The following CTNNA2 variants were observed in gnomAD, a reference collection of about 807,000 sequenced individuals.
The protein encoded by CTNNA2 is catenin alpha-2.
In CTNNA2, 42 loss-of-function variants were observed where a neutral mutation model predicts 101.0. The ratio of observed to expected loss-of-function variants is 0.42; its 90% CI spans 0.32 to 0.54. CTNNA2 has a LOEUF of 0.54. Among genes scored for constraint, CTNNA2 ranks in the 20% least tolerant of loss-of-function variants. CTNNA2 has a pLI of 0.14. For synonymous variants in CTNNA2, 450 were observed against 456.4 expected, an observed-to-expected ratio of 0.99 and a Z score of 0.18; for missense variants, 871 against 1,223.1, an observed-to-expected ratio of 0.71 and a Z score of 4.29.
intron 1 of CTNNA2, chr2:79,547,085 A>G (rs1673783645): frequency 6.6e-6 from 1 of 152,022 alleles, no homozygotes; most frequent in African/African-American, 2.4e-5. Context: ...CTTTAGGACT[A>G]GTTCTCTGGT....
At chr2:79,738,431 A>C (rs1671054286) in intron 2 of CTNNA2, among the ~76,000 whole-genome samples, 1 of 152,220 alleles carries the variant, frequency 6.6e-6, no homozygotes, top group Non-Finnish European at 1.5e-5. Context: ...GGAAGCTGGC[A>C]CAGCTAATAC....
At chr2:79,897,304 C>G (rs185012767) in intron 6 of CTNNA2, among the ~76,000 whole-genome samples, 23 of 146,330 alleles carry the variant, frequency 1.6e-4, no homozygotes, top group Admixed American at 1.2e-3. Flanking sequence ...GATTTTAAGA[C>G]TAGGCTGTTA....
chr2:80,352,669 A>G (rs1006064437), intron 7 of CTNNA2, among the ~76,000 whole-genome samples: 9 of 152,144 alleles, frequency 5.9e-5, no homozygotes, highest in African/African-American at 2.2e-4. Flanking sequence ...ATGATTTATT[A>G]TTTAATGGAT....
upstream of CTNNA2, among the ~76,000 whole-genome samples, chr2:79,508,981 AT>A (rs1268339365): frequency 5.1e-5 from 2 of 39,592 alleles, no homozygotes; most frequent in African/African-American, 1.1e-4. Context: ...ATATATATAT[AT>A]ATATATATAT....
intron 2 of CTNNA2, among the ~76,000 whole-genome samples, chr2:79,293,531 A>G (rs774447769): frequency 6.6e-6 from 1 of 152,208 alleles, no homozygotes; most frequent in Non-Finnish European, 1.5e-5. Flanking sequence ...TACATAGACA[A>G]TAAGGAGTCT....
intron 9 of CTNNA2, among the ~76,000 whole-genome samples, chr2:80,438,197 G>T (rs12617443): frequency 0.05 from 7,614 of 152,142 alleles, 462 homozygotes; most frequent in African/African-American, 0.14. Flanking sequence ...CTCTATGCTC[G>T]CACATCCCTA....
At chr2:80,248,160 ACT>A (rs1671479775) in intron 7 of CTNNA2, among the ~76,000 whole-genome samples, 1 of 151,060 alleles carries the variant, frequency 6.6e-6, no homozygotes, top group Non-Finnish European at 1.5e-5. Flanking sequence ...TATTTAAGAA[ACT>A]CTCTCACCAT....
chr2:79,836,711 G>T (rs1242947129), intron 3 of CTNNA2, among the ~76,000 whole-genome samples: 1 of 152,042 alleles, frequency 6.6e-6, no homozygotes, highest in African/African-American at 2.4e-5. Context: ...TTTCATCTCT[G>T]ACTCTGTTGT....
chr2:79,580,724 C>T lies in CTNNA2; in HGVS notation c.-6+67517C>T, dbSNP rs117181543. ...AGGAAATGTATGAAGACAAGTGATCCTTAGTAAAACTTTTTCTTATGTGAA... is the reference window on the plus strand; with the variant it reads ...AGGAAATGTATGAAGACAAGTGATCTTTAGTAAAACTTTTTCTTATGTGAA... On this transcript the variant is annotated intron_variant, in intron 1 of 18. Transcript: ENST00000402739. Among the ~76,000 whole-genome samples, 31 of 152,194 alleles carry T rather than the reference C, an allele frequency of 2.0e-4. No homozygotes were observed. In the East Asian group the frequency reaches 5.6e-3, roughly 27 times the overall value.
rs79418704 is a variant in CTNNA2 at position 80,124,951 on chromosome 2, A to C, written c.1056+215154A>C. 2.7e-3 allele frequency among the ~76,000 whole-genome samples: 411 copies of C among 152,288 alleles called. 1 individual carries two copies. Among genetic ancestry groups the C allele is most frequent in the African/African-American group, 9.5e-3 (394 of 41,562 alleles). ...GGAGCTGAGAGTGGAGCAGGGGCCAAGGCAGAGGGGAAGATTTAGCATGGC... is the reference window on the plus strand; with the variant it reads ...GGAGCTGAGAGTGGAGCAGGGGCCACGGCAGAGGGGAAGATTTAGCATGGC... On this transcript the variant is annotated intron_variant, in intron 7 of 18. Coordinates refer to ENST00000402739, the MANE Select transcript of CTNNA2 (RefSeq NM_001282597.3).
At chr2:79,562,243 TAATTC>T (rs1674825887) in intron 1 of CTNNA2, among the ~76,000 whole-genome samples, 1 of 152,098 alleles carries the variant, frequency 6.6e-6, no homozygotes, top group Non-Finnish European at 1.5e-5. Flanking sequence ...TGGGGAATCT[TAATTC>T]TATTCTATTA....
At chr2:79,846,336 T>G (rs1680229283) in intron 3 of CTNNA2, among the ~76,000 whole-genome samples, 2 of 152,236 alleles carry the variant, frequency 1.3e-5, no homozygotes, top group Admixed American at 1.3e-4. Context: ...CCTGGTTTAT[T>G]TAGCTGTAGT....
At chr2:79,376,772 G>A (rs1677981127) in intron 4 of CTNNA2, among the ~76,000 whole-genome samples, 1 of 152,146 alleles carries the variant, frequency 6.6e-6, no homozygotes, top group Non-Finnish European at 1.5e-5. Context: ...TGCTGAGAAT[G>A]ATGGTTTCCA....
chr2:80,335,605 A>G (rs189001028), intron 7 of CTNNA2, among the ~76,000 whole-genome samples: 61 of 152,270 alleles, frequency 4.0e-4, no homozygotes, highest in Non-Finnish European at 6.5e-4. Context: ...ATTCCTGCCT[A>G]CTGTATTTCT....
chr2:79,819,587 A>G (rs1310572961), intron 3 of CTNNA2, among the ~76,000 whole-genome samples: 1 of 152,226 alleles, frequency 6.6e-6, no homozygotes, highest in African/African-American at 2.4e-5. Flanking sequence ...AGAAATTCAA[A>G]TGGTGGATAA....
intron 2 of CTNNA2, among the ~76,000 whole-genome samples, chr2:79,310,763 G>A (rs1449423835): frequency 6.6e-6 from 1 of 152,124 alleles, no homozygotes; most frequent in Non-Finnish European, 1.5e-5. Context: ...AGAGACTGGG[G>A]GCAGATATTC....
At chr2:79,398,635 T>A (rs762716154) in intron 4 of CTNNA2, among the ~76,000 whole-genome samples, 37 of 151,938 alleles carry the variant, frequency 2.4e-4, no homozygotes, top group Non-Finnish European at 4.7e-4. Context: ...CCTAGCCACA[T>A]CTGAATGACA....
At chr2:79,398,881 A>G (rs767507258) in intron 4 of CTNNA2, among the ~76,000 whole-genome samples, 10 of 151,896 alleles carry the variant, frequency 6.6e-5, no homozygotes, top group Admixed American at 2.0e-4. Context: ...GTTGAATCCT[A>G]TAAAAACAAT....
At chr2:80,050,337 C>T (rs1397253439) in intron 7 of CTNNA2, among the ~76,000 whole-genome samples, 2 of 152,180 alleles carry the variant, frequency 1.3e-5, no homozygotes, top group African/African-American at 4.8e-5. Context: ...ACTGAGTCAG[C>T]GTGTTCCTTC....
Sources: allele counts gnomAD v4.1 joint callset (sites outside exome capture counted in the v4.1 genomes callset), GRCh38; gene constraint gnomAD v4.1.1; transcripts MANE v1.5; gene names NCBI Gene and HGNC (gene_info 2026-07-23, HGNC 2026-07-21).